Variants in ACTR3C observed in about 807,000 individuals in gnomAD.
ACTR3C encodes actin related protein 3C, also known as actin-related protein 3C.
In ACTR3C, 18 loss-of-function variants were observed where a neutral mutation model predicts 26.3. The observed-to-expected ratio is 0.68, with a 90% confidence interval of 0.47 to 1.01. ACTR3C has a LOEUF of 1.01. Among genes scored for constraint, ACTR3C ranks in the 50% least tolerant of loss-of-function variants. The pLI, the probability that ACTR3C is intolerant of heterozygous loss-of-function variation, is 0.00. For synonymous variants in ACTR3C, 55 were observed against 94.5 expected (o/e 0.58, Z 2.42); for missense variants, 184 against 250.7 (o/e 0.73, Z 1.80).
the ACTR3C span, chr7:149,892,479 T>C: frequency 2.3e-6 from 3 of 1,321,770 alleles, no homozygotes; most frequent in Non-Finnish European, 3.0e-6. Context: ...TATCCTAATA[T>C]ACACACAAGT....
At chr7:150,132,448 T>C in the ACTR3C span, among the ~76,000 whole-genome samples, 2 of 152,064 alleles carry the variant, frequency 1.3e-5, no homozygotes, top group Non-Finnish European at 2.9e-5. Context: ...ACAAAGAATA[T>C]GAACAGACAC....
At chr7:149,955,626 A>G in the ACTR3C span, among the ~76,000 whole-genome samples, 7 of 152,088 alleles carry the variant, frequency 4.6e-5, no homozygotes, top group African/African-American at 1.5e-4. Context: ...GTTTAATGAA[A>G]TTTTAATTTG....
chr7:150,270,553 C>A (rs1367833109), intron 6 of ACTR3C, among the ~76,000 whole-genome samples: 1 of 150,844 alleles, frequency 6.6e-6, no homozygotes, highest in East Asian at 2.0e-4. Context: ...GGCATCCACA[C>A]CTGCAGACCT....
At chr7:150,241,941 G>A (rs1001227098), downstream of ACTR3C, among the ~76,000 whole-genome samples, 1 of 152,158 alleles carries the variant, frequency 6.6e-6, no homozygotes, top group African/African-American at 2.4e-5. Flanking sequence ...TTTGTGGCCA[G>A]GCGCGGTGGC....
chr7:150,058,592 T>C, the ACTR3C span, among the ~76,000 whole-genome samples: 8 of 152,158 alleles, frequency 5.3e-5, no homozygotes, highest in Admixed American at 5.2e-4. Context: ...TGTGAGGATT[T>C]GATGCTCAAA....
the ACTR3C span, among the ~76,000 whole-genome samples, chr7:150,082,949 T>TTC: frequency 1.4e-5 from 2 of 139,894 alleles, no homozygotes; most frequent in African/African-American, 2.7e-5. Flanking sequence ...TTTTTTTTCT[T>TTC]TTTTTTTTTT....
the ACTR3C span, among the ~76,000 whole-genome samples, chr7:150,112,730 C>G: frequency 6.6e-6 from 1 of 152,172 alleles, no homozygotes; most frequent in Non-Finnish European, 1.5e-5. Flanking sequence ...CTGGAATTCT[C>G]CAGGGACAAA....
At chr7:150,197,266 C>A in the ACTR3C span, among the ~76,000 whole-genome samples, 2 of 152,250 alleles carry the variant, frequency 1.3e-5, no homozygotes, top group South Asian at 4.1e-4. Context: ...CTGCCTTCTC[C>A]GCATAGAAGC....
the ACTR3C span, among the ~76,000 whole-genome samples, chr7:150,230,021 T>C: frequency 6.6e-6 from 1 of 150,452 alleles, no homozygotes; most frequent in Non-Finnish European, 1.5e-5. Context: ...GGTCAGGAGT[T>C]CGAGACCAGC....
chr7:150,250,202 C>CTTTTTTTTTT lies in ACTR3C; in HGVS notation c.565-1158_565-1149dup, dbSNP rs1192764981. 1.0e-4 allele frequency among the ~76,000 whole-genome samples: 13 copies of CTTTTTTTTTT among 125,494 alleles called. 1 individual carries two copies. Among genetic ancestry groups the CTTTTTTTTTT allele is most frequent in the African/African-American group, 4.4e-4 (13 of 29,318 alleles). The allele number at this position is 125,494 out of a possible 152,430, so 82.3% of individuals were successfully genotyped here. A position where few individuals can be genotyped will look rare whatever the true frequency, so the allele number is the denominator to read the frequency against. ...ATGAGCAAGAAATGACAGAATCTGA[C>CTTTTTTTTTT]TTTTTTTTTTTTTTTTTTTGAGACG... On this transcript the variant is annotated intron_variant, in intron 6 of 7. Transcript: ENST00000683684.
intron 4 of ACTR3C, among the ~76,000 whole-genome samples, chr7:150,288,051 G>C (rs1301020694): frequency 1.4e-5 from 2 of 145,844 alleles, no homozygotes; most frequent in African/African-American, 2.7e-5. Context: ...GGGGAAGCGG[G>C]GGGAGCTCTA....
chr7:149,884,927 G>A, the ACTR3C span, among the ~76,000 whole-genome samples: 17 of 152,326 alleles, frequency 1.1e-4, no homozygotes, highest in South Asian at 3.3e-3. Flanking sequence ...GCTCCCAAGG[G>A]TTTTGGTGCT....
chr7:149,911,942 C>T, the ACTR3C span, among the ~76,000 whole-genome samples: 20 of 148,082 alleles, frequency 1.4e-4, no homozygotes, highest in Non-Finnish European at 3.0e-4. Context: ...CCCAGGAGTT[C>T]GAGGTTGCAG....
At chr7:150,235,485 GA>G in the ACTR3C span, among the ~76,000 whole-genome samples, 5 of 152,142 alleles carry the variant, frequency 3.3e-5, no homozygotes, top group African/African-American at 1.2e-4. Context: ...CTCTTAAGCT[GA>G]AACAAACGCA....
chr7:150,311,744 T>C (rs550681858), intron 1 of ACTR3C, among the ~76,000 whole-genome samples: 1 of 152,358 alleles, frequency 6.6e-6, no homozygotes, highest in African/African-American at 2.4e-5. Flanking sequence ...TCTCGCCAGC[T>C]AAAGCTGGTG....
the ACTR3C span, among the ~76,000 whole-genome samples, chr7:149,895,935 C>A: frequency 1.3e-5 from 2 of 150,550 alleles, no homozygotes; most frequent in African/African-American, 4.9e-5. Context: ...CAGTGGCTCA[C>A]ACCTGTAATC....
the ACTR3C span, among the ~76,000 whole-genome samples, chr7:150,023,055 G>A: frequency 4.0e-5 from 6 of 150,230 alleles, no homozygotes; most frequent in African/African-American, 7.4e-5. Context: ...CTATTTCCCC[G>A]AAGGTTATGA....
the ACTR3C span, among the ~76,000 whole-genome samples, chr7:150,041,779 C>T: frequency 1.5e-5 from 2 of 131,100 alleles, no homozygotes; most frequent in Non-Finnish European, 1.7e-5. Context: ...GGCTCTCAGT[C>T]CCTGCCTCGC....
At chr7:150,173,107 C>T in the ACTR3C span, among the ~76,000 whole-genome samples, 2 of 150,500 alleles carry the variant, frequency 1.3e-5, no homozygotes, top group Non-Finnish European at 2.9e-5. Flanking sequence ...CCTCTTCTCA[C>T]AGCTCTACTG....
Sources: allele counts gnomAD v4.1 joint callset (sites outside exome capture counted in the v4.1 genomes callset), GRCh38; gene constraint gnomAD v4.1.1; transcripts MANE v1.5; gene names NCBI Gene and HGNC (gene_info 2026-07-23, HGNC 2026-07-21).